The following CAMTA1 variants were observed in gnomAD, a reference collection of about 807,000 sequenced individuals.
CAMTA1 encodes the protein calmodulin-binding transcription activator 1.
CAMTA1 carries 27 observed loss-of-function variants against 170.9 expected under a neutral mutation model. The ratio of observed to expected loss-of-function variants is 0.16; its 90% CI spans 0.12 to 0.22. The LOEUF (loss-of-function observed/expected upper bound fraction) is 0.22. Among genes scored for constraint, CAMTA1 ranks in the 10% least tolerant of loss-of-function variants. The probability of loss-of-function intolerance (pLI) is 1.00; values close to 1 mark genes in which losing one functional copy is unlikely to be tolerated. For synonymous variants in CAMTA1, 833 were observed against 891.5 expected, an observed-to-expected ratio of 0.93 and a Z score of 1.17; for missense variants, 1,619 against 2,217.2, an observed-to-expected ratio of 0.73 and a Z score of 5.42.
intron 11 of CAMTA1, among the ~76,000 whole-genome samples, chr1:7,696,430 G>A (rs916979067): frequency 1.3e-5 from 2 of 150,972 alleles, no homozygotes; most frequent in Non-Finnish European, 2.9e-5. Flanking sequence ...ACCTGACCTC[G>A]TGATCCTCCC....
intron 3 of CAMTA1, among the ~76,000 whole-genome samples, chr1:7,087,622 T>A (rs1640918053): frequency 6.6e-6 from 1 of 152,222 alleles, no homozygotes; most frequent in Non-Finnish European, 1.5e-5. Context: ...GGGTTTGGGT[T>A]CTGGTTCTAC....
In CAMTA1 at chr1:7,665,005, T is replaced by C. The variant is rs2095989149; in HGVS notation, c.2458T>C (p.Cys820Arg). 1 of 1,601,280 alleles carries C rather than the reference T, an allele frequency of 6.2e-7. No individual in the cohort carries two copies. The highest frequency in any genetic ancestry group is 8.5e-7 in the Non-Finnish European group (1 of 1,173,464). The change falls in exon 9 of 23, where the codon TGC (cysteine) becomes CGC (arginine). Residue 820 changes from cysteine (C) to arginine (R), a missense_variant. Cys to Arg is a radical substitution (Grantham distance 180). This residue lies in a region of CAMTA1 where 731 missense variants were observed against 907.6 expected (regional missense o/e 0.81). Coordinates refer to ENST00000303635, the MANE Select transcript of CAMTA1 (RefSeq NM_015215.4). This position sits in a 1 kb window ranked among gnomAD's most constrained non-coding sequence, Gnocchi z 4.3. Reference sequence around the variant, plus strand: ...GGCCCCCTTCACCCAGGCAGAGATGTGCCTCCCCTGCTGTAGCCCCCAGCA... The same window carrying C: ...GGCCCCCTTCACCCAGGCAGAGATGCGCCTCCCCTGCTGTAGCCCCCAGCA... ...ARAPFTQAEM[C>R]LPCCSPQQGS...
At chr1:7,270,293 T>TATA (rs1553296848) in intron 5 of CAMTA1, among the ~76,000 whole-genome samples, 11 of 76,460 alleles carry the variant, frequency 1.4e-4, no homozygotes, top group South Asian at 4.8e-4. Context: ...ATATATATAT[T>TATA]TTTTTTTTTT....
intron 3 of CAMTA1, among the ~76,000 whole-genome samples, chr1:6,968,220 G>A (rs536994279): frequency 5.3e-5 from 8 of 152,256 alleles, no homozygotes; most frequent in Non-Finnish European, 1.0e-4. Flanking sequence ...ATGTGGCCCC[G>A]GGTGTGTTTT....
chr1:7,625,097 G>T (rs1253369270), intron 6 of CAMTA1, among the ~76,000 whole-genome samples: 2 of 152,236 alleles, frequency 1.3e-5, no homozygotes, highest in Non-Finnish European at 2.9e-5. Context: ...GGGATCAGGA[G>T]TGGGGTTGCA....
At chr1:7,416,934 T>TG (rs2091217594) in intron 5 of CAMTA1, among the ~76,000 whole-genome samples, 2 of 152,202 alleles carry the variant, frequency 1.3e-5, no homozygotes, top group South Asian at 4.1e-4. Flanking sequence ...CAGATGGGTT[T>TG]TTGGTGTGGA....
Position 7,463,396 on chromosome 1 carries a change from T to C in CAMTA1, c.439-4434T>C, listed in dbSNP as rs1422158686. ...AGATAGCAGGAGAGACAGAGACAGATACAGAAACGGAGAGAGAAATAAAGA... is the reference window on the plus strand; with the variant it reads ...AGATAGCAGGAGAGACAGAGACAGACACAGAAACGGAGAGAGAAATAAAGA... On this transcript the variant is annotated intron_variant, in intron 5 of 22. Coordinates refer to ENST00000303635, the MANE Select transcript of CAMTA1 (RefSeq NM_015215.4). This position sits in a 1 kb window ranked among gnomAD's most constrained non-coding sequence, Gnocchi z 4.7. 6.9e-6 allele frequency among the ~76,000 whole-genome samples: 1 copy of C among 145,954 alleles called. No homozygotes were observed. Among genetic ancestry groups the C allele is most frequent in the African/African-American group, 2.6e-5 (1 of 38,772 alleles).
rs2149322470 is a variant in CAMTA1, at chr1:7,682,048, T to C, written c.2914+4315T>C. Among the ~76,000 whole-genome samples the C allele has an allele frequency of 6.6e-6, 1 of 151,442 alleles. No individual in the cohort carries two copies. The highest frequency in any genetic ancestry group is 2.0e-4 in the East Asian group (1 of 5,088). ...CTAAGCCGCTTAGACTTAGACTCTA[T>C]TTTCAGTGCTTCTCAGGCAACTGAG... On this transcript the variant is annotated intron_variant, in intron 11 of 22. Coordinates refer to ENST00000303635, the MANE Select transcript of CAMTA1 (RefSeq NM_015215.4). The surrounding 1 kb of genome is among the most constrained non-coding windows in gnomAD (Gnocchi z 5.0).
At chr1:7,512,476 C>A (rs960576670) in intron 6 of CAMTA1, among the ~76,000 whole-genome samples, 1 of 152,164 alleles carries the variant, frequency 6.6e-6, no homozygotes, top group African/African-American at 2.4e-5. Context: ...GCTGACAGGA[C>A]CGCATAGTTA....
intron 5 of CAMTA1, among the ~76,000 whole-genome samples, chr1:7,370,943 A>G (rs6678332): frequency 0.035 from 2,667 of 76,296 alleles, 85 homozygotes; most frequent in African/African-American, 0.11. Flanking sequence ...ACGGAGTCTC[A>G]CTCTGTCGCC....
At chr1:7,250,990 G>A (rs1666543373) in intron 5 of CAMTA1, among the ~76,000 whole-genome samples, 1 of 152,182 alleles carries the variant, frequency 6.6e-6, no homozygotes, top group African/African-American at 2.4e-5. Context: ...GTTCTTCCTG[G>A]GAGGACCCTC....
At chr1:7,401,372 A>G (rs927675080) in intron 5 of CAMTA1, among the ~76,000 whole-genome samples, 7 of 152,182 alleles carry the variant, frequency 4.6e-5, no homozygotes, top group Non-Finnish European at 1.0e-4. Context: ...CCCTTTGCCA[A>G]TTCTATACTA....
intron 1 of CAMTA1, among the ~76,000 whole-genome samples, chr1:6,787,050 CAA>C (rs1639617724): frequency 6.6e-6 from 1 of 152,356 alleles, no homozygotes; most frequent in East Asian, 1.9e-4. Context: ...GTCCCACACT[CAA>C]GAGTCCTTGA....
At chr1:7,230,014 C>T (rs141089520) in intron 4 of CAMTA1, among the ~76,000 whole-genome samples, 102 of 152,050 alleles carry the variant, frequency 6.7e-4, no homozygotes, top group Non-Finnish European at 1.0e-3. Flanking sequence ...GTTCCTGGGG[C>T]GCTTTCACCC....
chr1:7,395,457 G>C (rs1431659503), intron 5 of CAMTA1, among the ~76,000 whole-genome samples: 1 of 152,076 alleles, frequency 6.6e-6, no homozygotes, highest in Non-Finnish European at 1.5e-5. Flanking sequence ...GTGCCATGCT[G>C]TTTTGATTAT....
At chr1:7,448,641 A>G (rs2092737790) in intron 5 of CAMTA1, among the ~76,000 whole-genome samples, 1 of 152,216 alleles carries the variant, frequency 6.6e-6, no homozygotes, top group African/African-American at 2.4e-5. Flanking sequence ...CAGGTTCGGT[A>G]TCTGGTGAGG....
chr1:7,088,656 G>A (rs1349591584), intron 3 of CAMTA1, among the ~76,000 whole-genome samples: 1 of 152,156 alleles, frequency 6.6e-6, no homozygotes, highest in Non-Finnish European at 1.5e-5. Flanking sequence ...TTCTTTGGAT[G>A]TCCAGGGTTT....
chr1:7,447,740 G>A (rs2092716100), intron 5 of CAMTA1, among the ~76,000 whole-genome samples: 1 of 152,166 alleles, frequency 6.6e-6, no homozygotes, highest in South Asian at 2.1e-4. Flanking sequence ...AGCCTCCCCA[G>A]CCTGAATGCA....
chr1:6,882,919 T>A lies in CAMTA1; in HGVS notation c.234+57709T>A, dbSNP rs150041999. Among the ~76,000 whole-genome samples the A allele has an allele frequency of 5.6e-3, 854 of 152,168 alleles. 8 individuals carry two copies. The highest frequency in any genetic ancestry group is 0.019 in the African/African-American group (775 of 41,516). On this transcript the variant is annotated intron_variant, in intron 3 of 22. Coordinates refer to ENST00000303635, the MANE Select transcript of CAMTA1 (RefSeq NM_015215.4). ...GGGGTGTCCTGGAAGTGCATGTTTCTCTTTGCTTTGCTTTGCTTTTTTGAG... is the reference window on the plus strand; with the variant it reads ...GGGGTGTCCTGGAAGTGCATGTTTCACTTTGCTTTGCTTTGCTTTTTTGAG...
Sources: gnomAD v4.1 joint callset for allele counts (sites outside exome capture counted in the v4.1 genomes callset) on GRCh38, gnomAD v4.1.1 for gene constraint, gnomAD v4.1.1 regional missense constraint, Gnocchi (gnomAD v3.1) non-coding constraint, MANE v1.5 for transcripts, NCBI Gene and HGNC (gene_info 2026-07-23, HGNC 2026-07-21) for gene names.